The following PARD3B variants were observed in gnomAD, a reference collection of about 807,000 sequenced individuals.
PARD3B encodes par-3 family cell polarity regulator beta, also known as partitioning defective 3 homolog B.
A neutral mutation model predicts 130.2 loss-of-function variants in PARD3B; 103 were observed. The ratio of observed to expected loss-of-function variants is 0.79; its 90% CI spans 0.67 to 0.93. The LOEUF is 0.93. PARD3B is among the 40% of genes least tolerant of loss of function. The pLI is 0.00. For synonymous variants in PARD3B, 583 were observed against 553.2 expected, an observed-to-expected ratio of 1.05 and a Z score of -0.76; for missense variants, 1,609 against 1,499.2, an observed-to-expected ratio of 1.07 and a Z score of -1.21.
intron 1 of PARD3B, among the ~76,000 whole-genome samples, chr2:204,607,383 G>T (rs993043271): frequency 1.3e-5 from 2 of 152,050 alleles, no homozygotes; most frequent in Admixed American, 6.6e-5. Flanking sequence ...AGTAGACATG[G>T]GCTACTATGG....
intron 21 of PARD3B, among the ~76,000 whole-genome samples, chr2:205,504,933 A>G (rs549393830): frequency 1.3e-5 from 2 of 152,340 alleles, no homozygotes; most frequent in East Asian, 3.9e-4. Flanking sequence ...ATAAAGACAC[A>G]TGCACGCGTA....
chr2:204,941,941 A>T (rs1384043716), intron 2 of PARD3B, among the ~76,000 whole-genome samples: 1 of 152,182 alleles, frequency 6.6e-6, no homozygotes, highest in African/African-American at 2.4e-5. Flanking sequence ...ACTTGAACTT[A>T]GTCATTCCTA....
intron 1 of PARD3B, among the ~76,000 whole-genome samples, chr2:204,668,552 T>C (rs2036131157): frequency 1.3e-5 from 2 of 152,208 alleles, no homozygotes; most frequent in South Asian, 4.1e-4. Flanking sequence ...GTTTTTTAGT[T>C]ACGTCATCAG....
rs1370112327 is a variant in PARD3B at position 205,269,918 on chromosome 2, C to T, written c.2185+24096C>T. Among the ~76,000 whole-genome samples, 1 of 152,020 alleles carries T rather than the reference C, an allele frequency of 6.6e-6. No individual in the cohort carries two copies. The highest frequency in any genetic ancestry group is 1.5e-5 in the Non-Finnish European group (1 of 67,990). ...AACATGTAATTTTTTCCCTAGAATA[C>T]AGCAAATAATAACTGAAGATTTTAA... is the stretch of plus-strand genomic sequence containing the variant. On this transcript the variant is annotated intron_variant, in intron 16 of 22. Coordinates refer to ENST00000406610, the MANE Select transcript of PARD3B (RefSeq NM_001302769.2). The surrounding 1 kb of genome is among the most constrained non-coding windows in gnomAD (Gnocchi z 4.7).
At chr2:205,126,439 C>T (rs2031405135) in intron 10 of PARD3B, among the ~76,000 whole-genome samples, 1 of 151,958 alleles carries the variant, frequency 6.6e-6, no homozygotes, top group Admixed American at 6.6e-5. Flanking sequence ...GATAGCTTGC[C>T]AGTGAAATAT....
chr2:205,532,418 C>G (rs887685201), intron 21 of PARD3B, among the ~76,000 whole-genome samples: 1 of 152,076 alleles, frequency 6.6e-6, no homozygotes, highest in Non-Finnish European at 1.5e-5. Flanking sequence ...GGAAAATAAT[C>G]AAGAATTTTA....
chr2:204,670,441 G>A (rs1186605450), intron 1 of PARD3B, among the ~76,000 whole-genome samples: 1 of 152,092 alleles, frequency 6.6e-6, no homozygotes, highest in Non-Finnish European at 1.5e-5. Flanking sequence ...CTTCTAAGAA[G>A]CAGTCACTCC....
chr2:204,898,564 C>T (rs2046729202), intron 2 of PARD3B, among the ~76,000 whole-genome samples: 1 of 152,218 alleles, frequency 6.6e-6, no homozygotes, highest in Admixed American at 6.5e-5. Flanking sequence ...TGAGAATGAT[C>T]CATGTGCTGA....
At chr2:205,164,822 T>TATACACACACAC (rs2034709910) in intron 11 of PARD3B, among the ~76,000 whole-genome samples, 2 of 147,244 alleles carry the variant, frequency 1.4e-5, no homozygotes, top group Non-Finnish European at 3.0e-5. Context: ...TATATATGTA[T>TATACACACACAC]ACACACACAC....
chr2:205,036,529 A>G (rs1159087369), intron 3 of PARD3B, among the ~76,000 whole-genome samples: 2 of 149,394 alleles, frequency 1.3e-5, no homozygotes, highest in Non-Finnish European at 3.0e-5. Flanking sequence ...TATATAGCAG[A>G]CTATATATAC....
chr2:205,228,109 T>C (rs994247725), intron 15 of PARD3B, among the ~76,000 whole-genome samples: 19 of 152,334 alleles, frequency 1.2e-4, no homozygotes, highest in Non-Finnish European at 2.2e-4. Context: ...TATTTTAGTC[T>C]TTCTGCTCAA....
chr2:205,150,253 GCACA>G (rs1491534654), intron 10 of PARD3B, among the ~76,000 whole-genome samples: 2 of 93,868 alleles, frequency 2.1e-5, no homozygotes, highest in African/African-American at 4.5e-5. Context: ...GTGTGTGTGT[GCACA>G]CACGCTTGAA....
At chr2:205,059,435 T>A (rs1699931244) in intron 4 of PARD3B, among the ~76,000 whole-genome samples, 1 of 152,028 alleles carries the variant, frequency 6.6e-6, no homozygotes, top group African/African-American at 2.4e-5. Context: ...GAATGACAAA[T>A]ATCATTTGTC....
intron 1 of PARD3B, among the ~76,000 whole-genome samples, chr2:204,582,954 C>G (rs1222156588): frequency 1.3e-5 from 2 of 152,120 alleles, no homozygotes; most frequent in Non-Finnish European, 2.9e-5. Flanking sequence ...TGTTCATGTC[C>G]TTCGCCCACT....
intron 19 of PARD3B, among the ~76,000 whole-genome samples, chr2:205,412,798 T>C (rs1031370750): frequency 1.3e-5 from 2 of 152,222 alleles, no homozygotes; most frequent in South Asian, 2.1e-4. Context: ...GGAAATTCAA[T>C]GAAACCTCGC....
At chr2:204,940,941 A>T (rs895509241) in intron 2 of PARD3B, among the ~76,000 whole-genome samples, 5 of 152,028 alleles carry the variant, frequency 3.3e-5, no homozygotes, top group African/African-American at 1.2e-4. Context: ...AAAAAGTAAG[A>T]GTTATAAAAG....
intron 22 of PARD3B, among the ~76,000 whole-genome samples, chr2:205,569,428 A>C (rs1559226581): frequency 1.3e-5 from 2 of 152,168 alleles, no homozygotes; most frequent in South Asian, 2.1e-4. Flanking sequence ...TCATTATGAA[A>C]TATCCATACT....
rs2038709762 is a variant in PARD3B at position 205,229,149 on chromosome 2, G to C, written c.2141-16629G>C. Among the ~76,000 whole-genome samples, 1 of 152,176 alleles carries C rather than the reference G, an allele frequency of 6.6e-6. No homozygotes were observed. The highest frequency in any genetic ancestry group is 1.5e-5 in the Non-Finnish European group (1 of 68,028). On this transcript the variant is annotated intron_variant, in intron 15 of 22. Coordinates refer to ENST00000406610, the MANE Select transcript of PARD3B (RefSeq NM_001302769.2). The surrounding 1 kb of genome is among the most constrained non-coding windows in gnomAD (Gnocchi z 5.2). ...CGTTTGGTGAAGTCATGTTTTCCTGGATGGTCTTGAGGCTTGTGATTGTTT... is the reference window on the plus strand; with the variant it reads ...CGTTTGGTGAAGTCATGTTTTCCTGCATGGTCTTGAGGCTTGTGATTGTTT...
chr2:204,708,246 C>T (rs534199463), intron 2 of PARD3B, among the ~76,000 whole-genome samples: 2 of 152,174 alleles, frequency 1.3e-5, no homozygotes, highest in East Asian at 3.9e-4. Context: ...TAGCCTCCAG[C>T]GATCCTCCTG....
Sources: gnomAD v4.1 joint callset for allele counts (sites outside exome capture counted in the v4.1 genomes callset) on GRCh38, gnomAD v4.1.1 for gene constraint, Gnocchi (gnomAD v3.1) non-coding constraint, MANE v1.5 for transcripts, NCBI Gene and HGNC (gene_info 2026-07-23, HGNC 2026-07-21) for gene names.